Variants in ASTN1 observed in about 807,000 individuals in gnomAD.
ASTN1 encodes the protein astrotactin 1.
In ASTN1, 41 loss-of-function variants were observed where a neutral mutation model predicts 140.7. The ratio of observed to expected loss-of-function variants is 0.29; its 90% CI spans 0.23 to 0.38. The LOEUF (loss-of-function observed/expected upper bound fraction) is 0.38. Among genes scored for constraint, ASTN1 ranks in the 10% least tolerant of loss-of-function variants. The pLI, the probability that ASTN1 is intolerant of heterozygous loss-of-function variation, is 1.00. For synonymous variants in ASTN1, 640 were observed against 652.2 expected (o/e 0.98, Z 0.29); for missense variants, 1,479 against 1,678.8 (o/e 0.88, Z 2.08).
intron 2 of ASTN1, among the ~76,000 whole-genome samples, chr1:177,051,516 T>C (rs1464124765): frequency 6.6e-6 from 1 of 152,252 alleles, no homozygotes; most frequent in African/African-American, 2.4e-5. Context: ...TGGTCCTTTA[T>C]AGACTCCTGG....
intron 21 of ASTN1, among the ~76,000 whole-genome samples, chr1:176,875,738 A>G (rs1342033015): frequency 1.3e-5 from 2 of 152,236 alleles, no homozygotes; most frequent in Non-Finnish European, 2.9e-5. Context: ...TAAAACTTTC[A>G]GCATCAATGT....
rs1335174111 is a variant in ASTN1, at chr1:176,999,027, G to A, written c.1523+15764C>T. Among the ~76,000 whole-genome samples the A allele has an allele frequency of 3.9e-5, 6 of 152,188 alleles. No individual in the cohort carries two copies. In the East Asian group the frequency reaches 5.8e-4, roughly 15 times the overall value. On this transcript the variant is annotated intron_variant, in intron 8 of 22. Transcript: ENST00000361833. ...AAGTGTGCTAGGCACAGAGTAAACT[G>A]ACAGTAAATTATTACCTATTATTAT...
chr1:176,931,284 C>T (rs1256076987), intron 16 of ASTN1, among the ~76,000 whole-genome samples: 2 of 151,976 alleles, frequency 1.3e-5, no homozygotes, highest in Admixed American at 6.6e-5. Context: ...CTGATCAACA[C>T]GGAGAAACCC....
At chr1:176,982,542 C>T (rs116414748) in intron 8 of ASTN1, among the ~76,000 whole-genome samples, 1,970 of 152,224 alleles carry the variant, frequency 0.013, 29 homozygotes, top group Admixed American at 0.02. Context: ...CTACAACCTA[C>T]CACCCTGAAC....
intron 17 of ASTN1, among the ~76,000 whole-genome samples, chr1:176,890,177 C>A (rs1669201687): frequency 6.6e-6 from 1 of 152,158 alleles, no homozygotes; most frequent in Non-Finnish European, 1.5e-5. Context: ...AGCAAAGTTA[C>A]AATAACCAAA....
intron 11 of ASTN1, among the ~76,000 whole-genome samples, chr1:176,952,558 C>G (rs1672238300): frequency 6.6e-6 from 1 of 151,930 alleles, no homozygotes; most frequent in Non-Finnish European, 1.5e-5. Flanking sequence ...AACACACATT[C>G]TTTAAGGAGT....
intron 16 of ASTN1, among the ~76,000 whole-genome samples, chr1:176,913,296 T>C (rs2103062926): frequency 6.6e-6 from 1 of 152,354 alleles, no homozygotes; most frequent in Non-Finnish European, 1.5e-5. Flanking sequence ...TAAACACAGC[T>C]AAAATGTCCT....
intron 2 of ASTN1, among the ~76,000 whole-genome samples, chr1:177,047,351 C>T (rs1043962709): frequency 6.6e-6 from 1 of 151,948 alleles, no homozygotes; most frequent in Admixed American, 6.6e-5. Flanking sequence ...AAGGGAGGTC[C>T]ACAAAATATG....
chr1:176,918,557 C>T (rs1332798625), intron 16 of ASTN1, among the ~76,000 whole-genome samples: 1 of 152,176 alleles, frequency 6.6e-6, no homozygotes, highest in Non-Finnish European at 1.5e-5. Flanking sequence ...TCTTTGGTTC[C>T]TCTTCCTCTG....
At chr1:176,991,413 CAAAAAAAAAAAAAAAAAAAAACCAAAAA>C (rs371208644) in intron 8 of ASTN1, among the ~76,000 whole-genome samples, 69 of 109,510 alleles carry the variant, frequency 6.3e-4, no homozygotes, top group African/African-American at 2.0e-3. Context: ...AACTCTGTCT[CAAAAAAAAAAAAAAAAAAAAACCAAAAA>C]AAAAAAAAAA....
At chr1:177,132,439 T>C (rs1307992297) in intron 1 of ASTN1, among the ~76,000 whole-genome samples, 3 of 152,218 alleles carry the variant, frequency 2.0e-5, no homozygotes, top group Admixed American at 2.0e-4. Context: ...GGTAACTTTG[T>C]GATTCTGCAG....
chr1:177,145,640 G>A (rs553402593), intron 1 of ASTN1, among the ~76,000 whole-genome samples: 1 of 152,200 alleles, frequency 6.6e-6, no homozygotes, highest in Non-Finnish European at 1.5e-5. Context: ...GGCAGAAAGA[G>A]GAGACCAGGA....
chr1:177,068,628 T>C (rs1361073879), intron 1 of ASTN1, among the ~76,000 whole-genome samples: 1 of 152,144 alleles, frequency 6.6e-6, no homozygotes, highest in Non-Finnish European at 1.5e-5. Flanking sequence ...TAGATTTCTC[T>C]AGGAATTGTC....
At position 177,147,253 on chromosome 1, in the gene ASTN1, G is replaced by T. The variant is rs115470800; in HGVS notation, c.283+17141C>A. Among the ~76,000 whole-genome samples, 716 of 152,202 alleles carry T rather than the reference G, an allele frequency of 4.7e-3. 8 individuals carry two copies. Among genetic ancestry groups the T allele is most frequent in the African/African-American group, 0.017 (708 of 41,500 alleles). Reference sequence around the variant, plus strand: ...AGACACCCTGGAAAGGGTATCATCGGTCCCTGGGAAGATCTATGGAACACT... The same window carrying T: ...AGACACCCTGGAAAGGGTATCATCGTTCCCTGGGAAGATCTATGGAACACT... On this transcript the variant is annotated intron_variant, in intron 1 of 22. Transcript: ENST00000361833.
chr1:177,069,734 C>T (rs376472446), intron 1 of ASTN1, among the ~76,000 whole-genome samples: 1 of 152,038 alleles, frequency 6.6e-6, no homozygotes, highest in Admixed American at 6.6e-5. Context: ...AGGAGGCATT[C>T]GAATGACTTG....
chr1:176,876,513 A>G lies in ASTN1; in HGVS notation c.3463+24T>C, dbSNP rs754874956. On this transcript the variant is annotated intron_variant, in intron 21 of 22. Transcript: ENST00000361833. ...GTACCTGGGGCATCCCTTCAGAAAC[A>G]CTGCTAACTTCGATGTCTCTTACCT... 2.5e-6 allele frequency: 4 copies of G among 1,612,890 alleles called. No individual in the cohort carries two copies. The South Asian group carries it at 4.4e-5, about 18-fold the overall frequency.
chr1:177,119,869 G>A (rs1174297008), intron 1 of ASTN1, among the ~76,000 whole-genome samples: 1 of 152,126 alleles, frequency 6.6e-6, no homozygotes, highest in African/African-American at 2.4e-5. Context: ...TCTTCCAGAT[G>A]GCTATCAACC....
intron 8 of ASTN1, among the ~76,000 whole-genome samples, chr1:177,007,213 G>C (rs1267607576): frequency 6.6e-6 from 1 of 152,048 alleles, no homozygotes; most frequent in East Asian, 1.9e-4. Flanking sequence ...GACCAACATG[G>C]AGAAACCCTG....
At chr1:177,080,456 G>T (rs1423188985) in intron 1 of ASTN1, among the ~76,000 whole-genome samples, 1 of 152,064 alleles carries the variant, frequency 6.6e-6, no homozygotes, top group African/African-American at 2.4e-5. Flanking sequence ...TGCATAAAAT[G>T]CATTTCTATA....
Sources: gnomAD v4.1 joint callset for allele counts (sites outside exome capture counted in the v4.1 genomes callset) on GRCh38, gnomAD v4.1.1 for gene constraint, MANE v1.5 for transcripts, NCBI Gene and HGNC (gene_info 2026-07-23, HGNC 2026-07-21) for gene names.